Variants in CYP3A4 observed in about 807,000 individuals in gnomAD.
The protein encoded by CYP3A4 is cytochrome P450 family 3 subfamily A member 4, also known as cytochrome P450 3A4.
In CYP3A4, 41 loss-of-function variants were observed where a neutral mutation model predicts 54.9. The ratio of observed to expected loss-of-function variants is 0.75; its 90% CI spans 0.58 to 0.97. The LOEUF (loss-of-function observed/expected upper bound fraction) is 0.97, where lower values mean the gene tolerates loss of function less well. CYP3A4 is among the 50% of genes least tolerant of loss of function. The pLI, the probability that CYP3A4 is intolerant of heterozygous loss-of-function variation, is 0.00. For missense variants in CYP3A4, 510 were observed against 597.3 expected, an observed-to-expected ratio of 0.85 and a Z score of 1.52; for synonymous variants, 179 against 205.2, an observed-to-expected ratio of 0.87 and a Z score of 1.09.
In CYP3A4 at chr7:99,780,093, G is replaced by A. The variant is rs780816937; in HGVS notation, c.72-8C>T. 3.1e-6 allele frequency: 5 copies of A among 1,610,676 alleles called. No homozygotes were observed. The Admixed American group carries it at 8.3e-5, about 27-fold the overall frequency. On this transcript the variant is annotated splice_region_variant and splice_polypyrimidine_tract_variant and intron_variant, in intron 1 of 12. Transcript: ENST00000651514. ...TGTGAATGGGTTCCATATCTACAAA[G>A]TGAAACAGAAATCAAGTCACAGCGA...
Position 99,772,563 on chromosome 7 carries a change from T to C in CYP3A4, c.318+27A>G, listed in dbSNP as rs747101758. Reference sequence around the variant, plus strand: ...AAAATATAAATTTAATCAATCAGTATTTTAATTTCAACACATGAATGCTTA... The same window carrying C: ...AAAATATAAATTTAATCAATCAGTACTTTAATTTCAACACATGAATGCTTA... On this transcript the variant is annotated intron_variant, in intron 4 of 12. Transcript: ENST00000651514. The C allele has an allele frequency of 2.5e-6, 4 of 1,610,604 alleles. No homozygotes were observed. The South Asian group carries it at 3.3e-5, about 13-fold the overall frequency.
At chr7:99,774,174 T>C (rs1349031167) in intron 3 of CYP3A4, among the ~76,000 whole-genome samples, 2 of 151,970 alleles carry the variant, frequency 1.3e-5, no homozygotes, top group African/African-American at 2.4e-5. Flanking sequence ...AGACCAATAA[T>C]AGGTTTTGAA....
Position 99,758,200 on chromosome 7 carries a change from A to T in CYP3A4, c.1445T>A (p.Leu482His). The change falls in exon 13 of 13, where the codon CTT becomes CAT. Residue 482 changes from leucine to histidine, a missense_variant. Around this residue, in one of 2 missense-constraint regions of CYP3A4, gnomAD observed 238 missense variants for 322.5 expected, o/e 0.74. Transcript: ENST00000651514. ...AACAACGGGTTTTTCTGGTTGAAGAAGTCCTCCTAAGCTTAATTTCAGGGG... is the reference window on the plus strand; with the variant it reads ...AACAACGGGTTTTTCTGGTTGAAGATGTCCTCCTAAGCTTAATTTCAGGGG... The part of the protein sequence containing the change: ...QIPLKLSLGG[L>H]LQPEKPVVLK... 1 of 1,613,998 alleles carries T rather than the reference A, an allele frequency of 6.2e-7. No individual in the cohort carries two copies. The highest frequency in any genetic ancestry group is 8.5e-7 in the Non-Finnish European group (1 of 1,179,914).
Position 99,758,037 on chromosome 7 carries a change from C to A in CYP3A4, c.*96G>T. The A allele has an allele frequency of 9.9e-7, 1 of 1,009,618 alleles. No individual in the cohort carries two copies. Among genetic ancestry groups the A allele is most frequent in the Admixed American group, 1.8e-5 (1 of 55,294 alleles). 62.5% of individuals were successfully genotyped at this position (1,009,618 alleles called of 1,614,324 possible). A position where few individuals can be genotyped will look rare whatever the true frequency, so the allele number is the denominator to read the frequency against. ...ATGCAGTCCATTGGATGAAGCCCAT[C>A]TTCATTTCAGAGTTCTATTCACAAA... is the stretch of plus-strand genomic sequence containing the variant. On this transcript the variant is annotated 3_prime_UTR_variant, in exon 13 of 13. Coordinates refer to ENST00000651514, the MANE Select transcript of CYP3A4 (RefSeq NM_017460.6).
chr7:99,760,110 CAGGCATGAGCCA>C (rs1815281303), intron 12 of CYP3A4, among the ~76,000 whole-genome samples: 1 of 152,154 alleles, frequency 6.6e-6, no homozygotes, highest in East Asian at 1.9e-4. Flanking sequence ...GCTGGGATTA[CAGGCATGAGCCA>C]CCATGCCTGG....
At chr7:99,780,648 C>T (rs1815897748) in intron 1 of CYP3A4, among the ~76,000 whole-genome samples, 1 of 152,182 alleles carries the variant, frequency 6.6e-6, no homozygotes, top group African/African-American at 2.4e-5. Flanking sequence ...TCTGGTTCTT[C>T]TTAAACCGTC....
At chr7:99,775,674 C>T (rs187766137) in intron 3 of CYP3A4, among the ~76,000 whole-genome samples, 9 of 152,226 alleles carry the variant, frequency 5.9e-5, no homozygotes, top group Non-Finnish European at 1.0e-4. Context: ...TTCCTTACAC[C>T]TTATACAAAA....
At chr7:99,776,838 T>C (rs954416961) in intron 3 of CYP3A4, among the ~76,000 whole-genome samples, 6 of 152,146 alleles carry the variant, frequency 3.9e-5, no homozygotes, top group Non-Finnish European at 8.8e-5. Context: ...ACTTAAAGTA[T>C]AATTTAAAAA....
chr7:99,778,390 A>C (rs1815827910), intron 2 of CYP3A4, among the ~76,000 whole-genome samples: 1 of 152,204 alleles, frequency 6.6e-6, no homozygotes, highest in South Asian at 2.1e-4. Flanking sequence ...TGAAAATCTC[A>C]TGAATCCCTG....
At position 99,778,051 on chromosome 7, in the gene CYP3A4, A is replaced by G; in HGVS notation, c.195T>C (p.His65=). The G allele has an allele frequency of 6.2e-7, 1 of 1,612,864 alleles. No homozygotes were observed. Among genetic ancestry groups the G allele is most frequent in the Non-Finnish European group, 8.5e-7 (1 of 1,179,232 alleles). Residue 65 remains histidine (H), a synonymous_variant, in exon 3 of 13, where the codon CAT becomes CAC. Coordinates refer to ENST00000651514, the MANE Select transcript of CYP3A4 (RefSeq NM_017460.6). ...KGFCMFDMEC[H]KKYGKVWGFY... is the part of the protein sequence containing the mutation. ...ACCCCCACACTTTTCCATACTTTTT[A>G]TGACATTCCATGTCAAACATACAAA...
intron 10 of CYP3A4, among the ~76,000 whole-genome samples, chr7:99,763,385 T>A (rs1034926440): frequency 1.3e-5 from 2 of 152,140 alleles, no homozygotes; most frequent in African/African-American, 4.8e-5. Context: ...AGAAAGTGAT[T>A]GTTACCTTTC....
In CYP3A4 at chr7:99,780,033, T is replaced by C. The variant is rs1297487032; in HGVS notation, c.124A>G (p.Thr42Ala). 1 of 1,613,608 alleles carries C rather than the reference T, an allele frequency of 6.2e-7. No homozygotes were observed. The highest frequency in any genetic ancestry group is 1.7e-5 in the Admixed American group (1 of 59,984). Residue 42 changes from threonine (T) to alanine (A), a missense_variant, in exon 2 of 13, where the codon ACA becomes GCA. By Grantham distance (58) the Thr-to-Ala change is moderately conservative. Transcript: ENST00000651514. ...ATATTTCCCAAAAAAGGCAGAGGTGTGGGCCCTGGAATTCCAAGCTTCTTA... is the reference window on the plus strand; with the variant it reads ...ATATTTCCCAAAAAAGGCAGAGGTGCGGGCCCTGGAATTCCAAGCTTCTTA... The part of the protein sequence containing the change: ...LFKKLGIPGP[T>A]PLPFLGNILS...
chr7:99,776,961 A>G (rs1815786273), intron 3 of CYP3A4, among the ~76,000 whole-genome samples: 1 of 152,232 alleles, frequency 6.6e-6, no homozygotes, highest in East Asian at 1.9e-4. Context: ...ATGCTTATAT[A>G]CCCTTCTATT....
chr7:99,781,880 C>A (rs994063978), intron 1 of CYP3A4, among the ~76,000 whole-genome samples: 2 of 152,194 alleles, frequency 1.3e-5, no homozygotes, highest in African/African-American at 4.8e-5. Context: ...AAGGGTAGCC[C>A]TTAAGACAGT....
chr7:99,777,954 G>T, intron 3 of CYP3A4, 74 bp downstream of exon 3: 1 of 1,208,408 alleles, frequency 8.3e-7, no homozygotes, highest in Non-Finnish European at 1.2e-6. Flanking sequence ...TTTGGGCTGA[G>T]ACTGTCCTCT....
At chr7:99,777,958 G>C in intron 3 of CYP3A4, 70 bp downstream of exon 3, 4 of 1,244,866 alleles carry the variant, frequency 3.2e-6, no homozygotes, top group Non-Finnish European at 1.2e-6. Context: ...GGCTGAGACT[G>C]TCCTCTGTGC....
intron 12 of CYP3A4, 148 bp from the exon 13 acceptor site, chr7:99,758,376 G>T: frequency 1.1e-6 from 1 of 872,576 alleles, no homozygotes; most frequent in South Asian, 1.5e-5. Context: ...CAAAAAAAAT[G>T]CAGTAATGAC....
chr7:99,765,101 T>A (rs1815441463), intron 9 of CYP3A4, among the ~76,000 whole-genome samples: 1 of 152,234 alleles, frequency 6.6e-6, no homozygotes, highest in African/African-American at 2.4e-5. Flanking sequence ...TAAATTCAAC[T>A]ACCTAATCAT....
intron 11 of CYP3A4, 105 bp from the exon 12 acceptor site, chr7:99,761,086 C>T (rs778713028): frequency 1.9e-4 from 245 of 1,303,942 alleles, no homozygotes; most frequent in Non-Finnish European, 2.3e-4. Flanking sequence ...TAGTAGTACA[C>T]AGGATACTTT....
Sources: allele counts gnomAD v4.1 joint callset (sites outside exome capture counted in the v4.1 genomes callset), GRCh38; gene constraint gnomAD v4.1.1; regional missense constraint gnomAD v4.1.1; transcripts MANE v1.5; gene names NCBI Gene and HGNC (gene_info 2026-07-23, HGNC 2026-07-21).